NBAS: variants seen among roughly 807,000 people sequenced by gnomAD.
The protein encoded by NBAS is NAG/BC035112 fusion.
NBAS carries 219 observed loss-of-function variants against 302.5 expected under a neutral mutation model. The ratio of observed to expected loss-of-function variants is 0.72; its 90% CI spans 0.65 to 0.81. The LOEUF is 0.81. Ranked by LOEUF, NBAS falls within the 30% of genes least tolerant of loss-of-function variation. NBAS has a pLI of 0.00. For synonymous variants in NBAS, 1,118 were observed against 1,021.6 expected, an observed-to-expected ratio of 1.09 and a Z score of -1.80; for missense variants, 2,932 against 2,841.6, an observed-to-expected ratio of 1.03 and a Z score of -0.72.
At chr2:15,158,264 G>A in the NBAS span, among the ~76,000 whole-genome samples, 3 of 152,150 alleles carry the variant, frequency 2.0e-5, no homozygotes. Flanking sequence ...CCGTTGCCAT[G>A]GCAACTCCTG....
intron 48 of NBAS, among the ~76,000 whole-genome samples, chr2:15,201,563 A>G (rs1423475254): frequency 2.0e-5 from 3 of 152,220 alleles, no homozygotes; most frequent in Non-Finnish European, 2.9e-5. Context: ...TTAATAAACA[A>G]TATTATGACT....
chr2:14,807,891 G>A, the NBAS span, among the ~76,000 whole-genome samples: 50 of 152,158 alleles, frequency 3.3e-4, no homozygotes, highest in African/African-American at 1.2e-3. Flanking sequence ...AAGGGTTAGT[G>A]CTCTCTTGCT....
chr2:15,251,390 G>A (rs958030410), intron 44 of NBAS, among the ~76,000 whole-genome samples: 2 of 152,136 alleles, frequency 1.3e-5, no homozygotes, highest in African/African-American at 4.8e-5. Context: ...AAACCACCAT[G>A]GCACATGTAT....
At chr2:15,511,416 G>A (rs1192811333) in intron 9 of NBAS, 66 bp from the exon 10 acceptor site, 13 of 1,444,970 alleles carry the variant, frequency 9.0e-6, no homozygotes, top group African/African-American at 1.4e-5. Context: ...AACAAAGAGA[G>A]CAGAAACAGT....
chr2:15,207,981 G>T (rs577408847), intron 48 of NBAS, among the ~76,000 whole-genome samples: 1 of 151,688 alleles, frequency 6.6e-6, no homozygotes, highest in Non-Finnish European at 1.5e-5. Flanking sequence ...TCAGCAAGAG[G>T]ATATAACAGT....
intron 24 of NBAS, 31 bp from the exon 25 acceptor site, chr2:15,415,750 C>T (rs951864568): frequency 1.3e-5 from 21 of 1,612,586 alleles, no homozygotes; most frequent in Non-Finnish European, 1.7e-5. Context: ...AACAGACAAA[C>T]AAGAATGAAG....
At chr2:15,188,323 C>T (rs191222355) in intron 49 of NBAS, among the ~76,000 whole-genome samples, 7 of 152,310 alleles carry the variant, frequency 4.6e-5, no homozygotes, top group Admixed American at 4.6e-4. Flanking sequence ...TGTTGATGGG[C>T]AACATACCAT....
At chr2:15,262,199 T>C (rs564200761) in intron 44 of NBAS, among the ~76,000 whole-genome samples, 7 of 152,342 alleles carry the variant, frequency 4.6e-5, no homozygotes, top group South Asian at 2.1e-4. Context: ...GGAAGCAACA[T>C]AGCCCCAGTT....
intron 19 of NBAS, among the ~76,000 whole-genome samples, chr2:15,462,041 T>C (rs922491683): frequency 1.3e-5 from 2 of 152,218 alleles, no homozygotes; most frequent in African/African-American, 2.4e-5. Flanking sequence ...ATTAAGTTAA[T>C]TGCAGTAGGA....
intron 38 of NBAS, among the ~76,000 whole-genome samples, chr2:15,317,379 A>G (rs1671562849): frequency 6.6e-6 from 1 of 152,220 alleles, no homozygotes; most frequent in Non-Finnish European, 1.5e-5. Context: ...GCAATGGAAC[A>G]AAGATGGATG....
At chr2:15,480,169 A>G (rs1680368327) in intron 12 of NBAS, among the ~76,000 whole-genome samples, 2 of 152,068 alleles carry the variant, frequency 1.3e-5, no homozygotes, top group African/African-American at 4.8e-5. Flanking sequence ...GCAAGACCTC[A>G]TCTCCCCAAA....
At chr2:14,805,039 A>C in the NBAS span, among the ~76,000 whole-genome samples, 73,505 of 152,008 alleles carry the variant, frequency 0.48, 19,672 homozygotes, top group African/African-American at 0.74. Flanking sequence ...CACTCCACAC[A>C]TACAATATGC....
At chr2:15,383,446 G>C in intron 28 of NBAS, 129 bp from the exon 29 acceptor site, 1 of 732,830 alleles carries the variant, frequency 1.4e-6, no homozygotes, top group African/African-American at 1.8e-5. Context: ...GCTCTCAAAT[G>C]ATCAAAAAGA....
the NBAS span, among the ~76,000 whole-genome samples, chr2:15,077,402 T>A: frequency 6.6e-6 from 1 of 152,188 alleles, no homozygotes; most frequent in South Asian, 2.1e-4. Flanking sequence ...ATTCCACTCA[T>A]ATACAGTTCA....
chr2:15,439,698 C>T (rs1164282176), intron 21 of NBAS, among the ~76,000 whole-genome samples: 7 of 152,256 alleles, frequency 4.6e-5, no homozygotes, highest in Admixed American at 6.5e-5. Flanking sequence ...CGAAGTAGGG[C>T]GAGGCATTGC....
chr2:15,409,405 C>T (rs1676574629), intron 25 of NBAS, among the ~76,000 whole-genome samples: 1 of 152,188 alleles, frequency 6.6e-6, no homozygotes, highest in South Asian at 2.1e-4. Context: ...ATGCTTATTA[C>T]TCTCATGACA....
chr2:15,465,748 T>C (rs1679695079), intron 19 of NBAS, among the ~76,000 whole-genome samples: 1 of 152,322 alleles, frequency 6.6e-6, no homozygotes. Context: ...CTTTAAATGT[T>C]ACTGTTACAG....
At chr2:15,041,873 T>C in the NBAS span, among the ~76,000 whole-genome samples, 1 of 152,134 alleles carries the variant, frequency 6.6e-6, no homozygotes, top group African/African-American at 2.4e-5. Context: ...TTTTCTCTAC[T>C]ACATGGAAAT....
chr2:14,996,409 G>A, the NBAS span, among the ~76,000 whole-genome samples: 1 of 152,274 alleles, frequency 6.6e-6, no homozygotes, highest in Non-Finnish European at 1.5e-5. Context: ...AATGAGTGGT[G>A]GAGTCCCAGT....
Sources: allele counts gnomAD v4.1 joint callset (sites outside exome capture counted in the v4.1 genomes callset), GRCh38; gene constraint gnomAD v4.1.1; transcripts MANE v1.5; gene names NCBI Gene and HGNC (gene_info 2026-07-23, HGNC 2026-07-21).